Variants in VAV1 observed in about 807,000 individuals in gnomAD.
The protein encoded by VAV1 is vav guanine nucleotide exchange factor 1, also known as proto-oncogene vav.
A neutral mutation model predicts 128.1 loss-of-function variants in VAV1; 33 were observed. That is an observed-to-expected ratio of 0.26 (90% CI 0.20 to 0.34). The LOEUF (loss-of-function observed/expected upper bound fraction) is 0.34. Among genes scored for constraint, VAV1 ranks in the 10% least tolerant of loss-of-function variants. The pLI is 1.00. For missense variants in VAV1, 715 were observed against 1,093.7 expected, an observed-to-expected ratio of 0.65 and a Z score of 4.88; for synonymous variants, 394 against 409.8, an observed-to-expected ratio of 0.96 and a Z score of 0.47.
At chr19:6,814,667 C>CCTTCCTTCCTTCCTTCCTTCCTTT (rs1971586781) in intron 1 of VAV1, among the ~76,000 whole-genome samples, 2 of 25,132 alleles carry the variant, frequency 8.0e-5, no homozygotes, top group African/African-American at 4.6e-4. Flanking sequence ...TTCCTTCCTT[C>CCTTCCTTCCTTCCTTCCTTCCTTT]CTTCCTTTCT....
At chr19:6,785,127 C>CACGGTG (rs2144701826) in intron 1 of VAV1, among the ~76,000 whole-genome samples, 1 of 152,266 alleles carries the variant, frequency 6.6e-6, no homozygotes, top group East Asian at 1.9e-4. Flanking sequence ...CTCAGGTATA[C>CACGGTG]ACGGTGAGTG....
At chr19:6,850,284 C>T (rs751518842) in intron 23 of VAV1, among the ~76,000 whole-genome samples, 32 of 103,172 alleles carry the variant, frequency 3.1e-4, no homozygotes, top group Admixed American at 8.5e-4. Flanking sequence ...TGGAGGTCTT[C>T]TCCAAGGCCC....
Position 6,828,637 on chromosome 19 carries a change from G to A in VAV1, c.1108G>A (p.Val370Met). The change falls in exon 12 of 27, where the codon GTG (valine) becomes ATG (methionine). Residue 370 changes from valine (V) to methionine (M), a missense_variant. Coordinates refer to ENST00000602142, the MANE Select transcript of VAV1 (RefSeq NM_005428.4). This position sits in a 1 kb window ranked among gnomAD's most constrained non-coding sequence, Gnocchi z 4.5. ...LDAMRDLAQC[V>M]NEVKRDNETL... ...CCCTCCCCAGGACCTGGCTCAGTGCGTGAACGAGGTCAAGCGAGACAACGA... is the reference window on the plus strand; with the variant it reads ...CCCTCCCCAGGACCTGGCTCAGTGCATGAACGAGGTCAAGCGAGACAACGA... The A allele has an allele frequency of 6.2e-7, 1 of 1,614,164 alleles. No individual in the cohort carries two copies.
intron 9 of VAV1, among the ~76,000 whole-genome samples, chr19:6,827,824 T>C (rs1971955641): frequency 6.6e-6 from 1 of 151,204 alleles, no homozygotes; most frequent in Non-Finnish European, 1.5e-5. Context: ...GGTCTTGAAC[T>C]CCTGACCTCA....
rs1209665894 is a variant in VAV1 at position 6,826,295 on chromosome 19, A to G, written c.828-317A>G. On this transcript the variant is annotated intron_variant, in intron 8 of 26. Coordinates refer to ENST00000602142, the MANE Select transcript of VAV1 (RefSeq NM_005428.4). The surrounding 1 kb of genome is among the most constrained non-coding windows in gnomAD (Gnocchi z 4.1). ...GGAGGTTGCACTGAGCCCAGATCACACCACTGTACTCCAGCCTGGGAGACA... is the reference window on the plus strand; with the variant it reads ...GGAGGTTGCACTGAGCCCAGATCACGCCACTGTACTCCAGCCTGGGAGACA... Among the ~76,000 whole-genome samples the G allele has an allele frequency of 2.6e-5, 4 of 152,166 alleles. No individual in the cohort carries two copies. Among genetic ancestry groups the G allele is most frequent in the Non-Finnish European group, 5.9e-5 (4 of 68,018 alleles).
At chr19:6,774,007 G>A (rs1970562297) in intron 1 of VAV1, among the ~76,000 whole-genome samples, 1 of 152,150 alleles carries the variant, frequency 6.6e-6, no homozygotes, top group African/African-American at 2.4e-5. Flanking sequence ...CCCTGCAGAT[G>A]AAGAGCTGGG....
At chr19:6,838,097 G>GTATA (rs1972265493) in intron 21 of VAV1, among the ~76,000 whole-genome samples, 1 of 146,536 alleles carries the variant, frequency 6.8e-6, no homozygotes, top group African/African-American at 2.5e-5. Flanking sequence ...CTGTCTGTCT[G>GTATA]TCTATCTATC....
chr19:6,828,923 T>G lies in VAV1; in HGVS notation c.1265+23T>G, dbSNP rs771147677. The G allele has an allele frequency of 6.2e-7, 1 of 1,613,008 alleles. No individual in the cohort carries two copies. The highest frequency in any genetic ancestry group is 1.7e-5 in the Admixed American group (1 of 59,890). ...CAGGTGGGTGGAGTCAACATGGATCTGGGATGGAGCCTGGGCAAAGGGGTG... is the reference window on the plus strand; with the variant it reads ...CAGGTGGGTGGAGTCAACATGGATCGGGGATGGAGCCTGGGCAAAGGGGTG... On this transcript the variant is annotated intron_variant, in intron 13 of 26. Transcript: ENST00000602142. This position sits in a 1 kb window ranked among gnomAD's most constrained non-coding sequence, Gnocchi z 4.5.
chr19:6,833,095 T>C, intron 15 of VAV1, 89 bp from the exon 16 acceptor site: 5 of 1,177,988 alleles, frequency 4.2e-6, no homozygotes, highest in Non-Finnish European at 4.7e-6. Context: ...CAAAACGTGG[T>C]CTGTTCATAC....
chr19:6,790,278 T>C (rs111923697), intron 1 of VAV1, among the ~76,000 whole-genome samples: 4,281 of 152,298 alleles, frequency 0.028, 199 homozygotes, highest in African/African-American at 0.097. Context: ...CACTGATTGC[T>C]GGGGTTACAG....
intron 1 of VAV1, among the ~76,000 whole-genome samples, chr19:6,806,063 T>C (rs112158388): frequency 0.021 from 3,248 of 152,104 alleles, 136 homozygotes; most frequent in African/African-American, 0.075. Context: ...GTGGGCCAAA[T>C]GCAGCCTGCC....
At position 6,820,039 on chromosome 19, in the gene VAV1, C is replaced by G. The variant is rs1211596325; in HGVS notation, c.205-663C>G. Among the ~76,000 whole-genome samples the G allele has an allele frequency of 6.6e-6, 1 of 152,098 alleles. No individual in the cohort carries two copies. The highest frequency in any genetic ancestry group is 2.4e-5 in the African/African-American group (1 of 41,426). ...ATGAAATAAAAAAGTTTAGGGATGG[C>G]CAGGCATGGTGGCTCCCACCTGTAA... On this transcript the variant is annotated intron_variant, in intron 1 of 26. Coordinates refer to ENST00000602142, the MANE Select transcript of VAV1 (RefSeq NM_005428.4). This position sits in a 1 kb window ranked among gnomAD's most constrained non-coding sequence, Gnocchi z 4.4.
At chr19:6,779,564 A>G (rs1361991665) in intron 1 of VAV1, among the ~76,000 whole-genome samples, 1 of 150,222 alleles carries the variant, frequency 6.7e-6, no homozygotes, top group Non-Finnish European at 1.5e-5. Flanking sequence ...ATTAGTCTAA[A>G]CCAGGGAGGG....
intron 1 of VAV1, among the ~76,000 whole-genome samples, chr19:6,800,315 AT>A (rs11426897): frequency 7.4e-5 from 11 of 147,752 alleles, no homozygotes; most frequent in African/African-American, 1.2e-4. Context: ...TATCTGTCTC[AT>A]TTTTTTTTTT....
chr19:6,822,164 G>C lies in VAV1; in HGVS notation c.450-57G>C. On this transcript the variant is annotated intron_variant, in intron 4 of 26. Coordinates refer to ENST00000602142, the MANE Select transcript of VAV1 (RefSeq NM_005428.4). This position sits in a 1 kb window ranked among gnomAD's most constrained non-coding sequence, Gnocchi z 5.9. ...ACAAAGCCCTGCGCTGGGGTCTGCG[G>C]GGACCCTGCTGTGATCTGGGAGAGG... The C allele has an allele frequency of 6.6e-7, 1 of 1,507,008 alleles. No individual in the cohort carries two copies. The highest frequency in any genetic ancestry group is 2.4e-5 in the East Asian group (1 of 41,152). The allele number at this position is 1,507,008 out of a possible 1,614,324, so 93.4% of individuals were successfully genotyped here. A position where few individuals can be genotyped will look rare whatever the true frequency, so the allele number is the denominator to read the frequency against.
chr19:6,857,304 G>T lies in VAV1; in HGVS notation c.*197G>T. 1 of 645,322 alleles carries T rather than the reference G, an allele frequency of 1.5e-6. No homozygotes were observed. Among genetic ancestry groups the T allele is most frequent in the African/African-American group, 1.8e-5 (1 of 54,492 alleles). 40.0% of individuals were successfully genotyped at this position (645,322 alleles called of 1,614,324 possible). A position where few individuals can be genotyped will look rare whatever the true frequency, so the allele number is the denominator to read the frequency against. On this transcript the variant is annotated 3_prime_UTR_variant, in exon 27 of 27. Coordinates refer to ENST00000602142, the MANE Select transcript of VAV1 (RefSeq NM_005428.4). The stretch of plus-strand genomic sequence containing the variant: ...TTATAACACCCCGATTTCCTCTTGG[G>T]TCCCCTCAAGCAGACGGGGCTCAAG...
Position 6,843,987 on chromosome 19 carries a change from T to G in VAV1, c.2012+821T>G, listed in dbSNP as rs145792893. 1.1e-3 allele frequency among the ~76,000 whole-genome samples: 166 copies of G among 150,176 alleles called. 1 individual carries two copies. The East Asian group carries it at 0.029, about 26-fold the overall frequency. On this transcript the variant is annotated intron_variant, in intron 22 of 26. Transcript: ENST00000602142. Reference sequence around the variant, plus strand: ...AGCTATTTAATGAGCTCCTTTAATCTTCACAAAAGCCCTTCGGAAAATAGA... The same window carrying G: ...AGCTATTTAATGAGCTCCTTTAATCGTCACAAAAGCCCTTCGGAAAATAGA...
chr19:6,824,526 G>A (rs528485265), intron 6 of VAV1, among the ~76,000 whole-genome samples: 1 of 151,774 alleles, frequency 6.6e-6, no homozygotes, highest in African/African-American at 2.4e-5. Flanking sequence ...TGTATGGATG[G>A]ACCACATTTT....
At chr19:6,838,234 C>G (rs1324683200) in intron 21 of VAV1, among the ~76,000 whole-genome samples, 1 of 149,082 alleles carries the variant, frequency 6.7e-6, no homozygotes, top group Non-Finnish European at 1.5e-5. Context: ...ATATCATCAT[C>G]ATCATCATCA....
Sources: allele counts gnomAD v4.1 joint callset (sites outside exome capture counted in the v4.1 genomes callset), GRCh38; gene constraint gnomAD v4.1.1; non-coding constraint Gnocchi (gnomAD v3.1); transcripts MANE v1.5; gene names NCBI Gene and HGNC (gene_info 2026-07-23, HGNC 2026-07-21).